The following LAD1 variants were observed in gnomAD, a reference collection of about 807,000 sequenced individuals.
The protein encoded by LAD1 is ladinin 1, also known as ladinin-1.
Under a neutral mutation model 54.2 loss-of-function variants are expected in LAD1, and 53 were observed. The observed-to-expected ratio is 0.98, with a 90% CI of 0.78 to 1.23. The LOEUF is 1.23. Among genes scored for constraint, LAD1 ranks in the 50% most tolerant of loss-of-function variants. LAD1 has a pLI of 0.00. For synonymous variants in LAD1, 231 were observed against 257.7 expected (o/e 0.90, Z 0.99); for missense variants, 637 against 653.3 (o/e 0.98, Z 0.27).
Position 201,385,716 on chromosome 1 carries a change from C to T in LAD1, c.1116G>A (p.Arg372=), listed in dbSNP as rs751335322. 2 of 1,613,932 alleles carry T rather than the reference C, an allele frequency of 1.2e-6. No homozygotes were observed. Among genetic ancestry groups the T allele is most frequent in the Non-Finnish European group, 1.7e-6 (2 of 1,179,806 alleles). ...GGGCTCTCACCCGAAAGGAGATGGT[C>T]CTGGGGCTGGAGCGTTTGAGGGAGC... is the stretch of plus-strand genomic sequence containing the variant. The part of the protein sequence containing the change: ...YSSSLKRSSP[R]TISFRMKPKK... The change falls in exon 4 of 10, where the codon AGG becomes AGA. Residue 372 remains arginine, a synonymous_variant. Coordinates refer to ENST00000391967, the MANE Select transcript of LAD1 (RefSeq NM_005558.4).
rs1189022669 is a variant in LAD1 at position 201,389,222 on chromosome 1, G to A, written c.120C>T (p.Thr40=). The stretch of plus-strand genomic sequence containing the variant: ...TGAGCCTGGGAGCCTCATCGTCCGT[G>A]GTGGAGCTCAGGTTGCGGTGCCGCC... ...RRRRHRNLSS[T]TDDEAPRLSQ... The change falls in exon 2 of 10, where the codon ACC becomes ACT. Residue 40 remains threonine (T), a synonymous_variant. Transcript: ENST00000391967. 6.8e-6 allele frequency: 11 copies of A among 1,614,098 alleles called. No homozygotes were observed. Among genetic ancestry groups the A allele is most frequent in the African/African-American group, 1.3e-5 (1 of 74,946 alleles).
At chr1:201,382,458 C>A in intron 8 of LAD1, 132 bp from the exon 9 acceptor site, 1 of 800,144 alleles carries the variant, frequency 1.2e-6, no homozygotes, top group South Asian at 1.6e-5. Flanking sequence ...CAGACCCACC[C>A]CTCCTCTCTG....
chr1:201,384,083 C>T (rs970837838), intron 5 of LAD1, among the ~76,000 whole-genome samples: 9 of 152,222 alleles, frequency 5.9e-5, no homozygotes, highest in African/African-American at 2.2e-4. Flanking sequence ...CTGTCCCTCC[C>T]TGGTTGGCCA....
At chr1:201,396,214 C>T (rs1662286204) in intron 1 of LAD1, among the ~76,000 whole-genome samples, 1 of 152,104 alleles carries the variant, frequency 6.6e-6, no homozygotes, top group East Asian at 1.9e-4. Context: ...CCACTCCTTC[C>T]CTCTAGACAA....
At chr1:201,385,009 C>T (rs565150140) in intron 4 of LAD1, among the ~76,000 whole-genome samples, 174 bp from the exon 5 acceptor site, 34 of 152,328 alleles carry the variant, frequency 2.2e-4, no homozygotes, top group Non-Finnish European at 2.9e-5. Context: ...GTTAAAGATC[C>T]TTGTTTGTAT....
rs1188950131 is a variant in LAD1 at position 201,384,590 on chromosome 1, C to T, written c.1175+202G>A. 5.0e-6 allele frequency: 3 copies of T among 604,006 alleles called. No homozygotes were observed. In the East Asian group the frequency reaches 8.6e-5, roughly 17 times the overall value. 37.4% of individuals were successfully genotyped at this position (604,006 alleles called of 1,614,324 possible). ...TCTGAGCAGCTCTCCCTGATCCTTC[C>T]CCATCCTTGTTCCATCTTATCCCGC... is the stretch of plus-strand genomic sequence containing the variant. On this transcript the variant is annotated intron_variant, in intron 5 of 9. Transcript: ENST00000391967.
chr1:201,396,836 T>G (rs997921618), intron 1 of LAD1, among the ~76,000 whole-genome samples: 3 of 151,742 alleles, frequency 2.0e-5, no homozygotes, highest in Non-Finnish European at 2.9e-5. Context: ...TAGGGAGAGG[T>G]GTCTGGAGAA....
chr1:201,397,515 CCATTTT>C (rs771377259), intron 1 of LAD1, among the ~76,000 whole-genome samples: 4 of 152,130 alleles, frequency 2.6e-5, no homozygotes, highest in Non-Finnish European at 5.9e-5. Context: ...GACCTTGCTC[CCATTTT>C]CAAAGTTCCA....
At chr1:201,388,060 A>G (rs1192925032) in intron 2 of LAD1, among the ~76,000 whole-genome samples, 2 of 152,092 alleles carry the variant, frequency 1.3e-5, no homozygotes, top group Non-Finnish European at 2.9e-5. Context: ...TAATCCCAAA[A>G]TCTAGATGGC....
chr1:201,396,563 C>G (rs965062093), intron 1 of LAD1, among the ~76,000 whole-genome samples: 1 of 152,186 alleles, frequency 6.6e-6, no homozygotes, highest in Non-Finnish European at 1.5e-5. Flanking sequence ...CATTATACAA[C>G]AGATTAAGGC....
chr1:201,394,398 C>A (rs1345027870), intron 1 of LAD1, among the ~76,000 whole-genome samples: 1 of 152,214 alleles, frequency 6.6e-6, no homozygotes, highest in Non-Finnish European at 1.5e-5. Flanking sequence ...GCCAGCAGGG[C>A]AGCTCTTCCT....
In LAD1 at chr1:201,399,314, G is replaced by C. The variant is rs1175192686; in HGVS notation, c.-8C>G. 2.6e-6 allele frequency: 4 copies of C among 1,536,566 alleles called. No homozygotes were observed. In the Admixed American group the frequency reaches 5.9e-5, roughly 23 times the overall value. ...CTTCCTGCTGACAGCCATGCTGCAG[G>C]AGCCCCGCGTGGCCGCCCGCGCCCC... is the stretch of plus-strand genomic sequence containing the variant. On this transcript the variant is annotated 5_prime_UTR_variant, in exon 1 of 10. Coordinates refer to ENST00000391967, the MANE Select transcript of LAD1 (RefSeq NM_005558.4).
At chr1:201,382,761 T>C in intron 7 of LAD1, 22 bp from the exon 8 acceptor site, 1 of 1,563,372 alleles carries the variant, frequency 6.4e-7, no homozygotes, top group Non-Finnish European at 8.7e-7. Flanking sequence ...ACTTTCCATC[T>C]CAGGGTTTAG....
intron 1 of LAD1, among the ~76,000 whole-genome samples, chr1:201,393,924 T>C (rs924704157): frequency 7.1e-6 from 1 of 141,790 alleles, no homozygotes; most frequent in Non-Finnish European, 1.5e-5. Context: ...GAAAAGAGTG[T>C]GACTGGCTGG....
intron 1 of LAD1, among the ~76,000 whole-genome samples, chr1:201,396,790 G>C (rs1018041943): frequency 1.3e-5 from 2 of 152,132 alleles, no homozygotes; most frequent in Non-Finnish European, 2.9e-5. Context: ...TGGTCACTGT[G>C]GGGGGTAACT....
At chr1:201,389,010 T>A in intron 2 of LAD1, 150 bp downstream of exon 2, 1 of 882,106 alleles carries the variant, frequency 1.1e-6, no homozygotes, top group South Asian at 1.7e-5. Context: ...CAGGACTGAG[T>A]CTGGGGAAGG....
At chr1:201,394,628 T>C (rs1662257178) in intron 1 of LAD1, among the ~76,000 whole-genome samples, 1 of 152,240 alleles carries the variant, frequency 6.6e-6, no homozygotes, top group South Asian at 2.1e-4. Flanking sequence ...TGCTCTCTTA[T>C]AAGGCAGGCT....
At chr1:201,391,083 G>GA (rs1200973789) in intron 1 of LAD1, 2 of 456,228 alleles carry the variant, frequency 4.4e-6, no homozygotes, top group Non-Finnish European at 8.8e-6. Flanking sequence ...TTTACCCATG[G>GA]AAAAAACTCC....
intron 4 of LAD1, 29 bp from the exon 5 acceptor site, chr1:201,384,864 G>C: frequency 6.2e-7 from 1 of 1,612,632 alleles, no homozygotes; most frequent in Non-Finnish European, 8.5e-7. Flanking sequence ...GCATTGTTGT[G>C]TGGGAGTCCC....
Sources: allele counts gnomAD v4.1 joint callset (sites outside exome capture counted in the v4.1 genomes callset), GRCh38; gene constraint gnomAD v4.1.1; transcripts MANE v1.5; gene names NCBI Gene and HGNC (gene_info 2026-07-23, HGNC 2026-07-21).